The following SRCIN1 variants were observed in gnomAD, a reference collection of about 807,000 sequenced individuals.
The protein encoded by SRCIN1 is P130Cas-associated protein.
A neutral mutation model predicts 116.2 loss-of-function variants in SRCIN1; 50 were observed. The ratio of observed to expected loss-of-function variants is 0.43; its 90% CI spans 0.34 to 0.54. The LOEUF is 0.54. SRCIN1 is among the 20% of genes least tolerant of loss of function. SRCIN1 has a pLI of 0.02. For missense variants in SRCIN1, 1,446 were observed against 1,672.0 expected (o/e 0.86, Z 2.36); for synonymous variants, 736 against 750.0 (o/e 0.98, Z 0.30).
At chr17:38,564,046 G>A (rs1348530282) in intron 4 of SRCIN1, 72 bp downstream of exon 4, 12 of 1,497,556 alleles carry the variant, frequency 8.0e-6, no homozygotes, top group Non-Finnish European at 1.1e-5. Flanking sequence ...TAGGGGAGGA[G>A]GGGGCTCCAG....
chr17:38,533,448 G>C lies in SRCIN1; in HGVS notation c.3418-17C>G. On this transcript the variant is annotated splice_polypyrimidine_tract_variant and intron_variant, in intron 18 of 18. Transcript: ENST00000617146. ...TTTAGTGGCCTGGAACAAAAACAGG[G>C]GTCAGGGGTCAGAGAGCGGAAGGGA... 1 of 1,611,324 alleles carries C rather than the reference G, an allele frequency of 6.2e-7. No homozygotes were observed. Among genetic ancestry groups the C allele is most frequent in the Non-Finnish European group, 8.5e-7 (1 of 1,178,808 alleles).
chr17:38,565,986 C>T (rs973431949), intron 3 of SRCIN1, among the ~76,000 whole-genome samples: 1 of 152,170 alleles, frequency 6.6e-6, no homozygotes, highest in Non-Finnish European at 1.5e-5. Flanking sequence ...ACCTTCATCC[C>T]AGCTGAAGGG....
intron 3 of SRCIN1, among the ~76,000 whole-genome samples, chr17:38,567,540 C>T (rs760652502): frequency 3.3e-5 from 5 of 152,110 alleles, no homozygotes; most frequent in Non-Finnish European, 7.4e-5. Flanking sequence ...TGTCATGATG[C>T]CTGGGACTTG....
intron 3 of SRCIN1, among the ~76,000 whole-genome samples, chr17:38,566,150 G>A (rs555051382): frequency 6.6e-6 from 1 of 152,178 alleles, no homozygotes. Flanking sequence ...AGAGTAGGGG[G>A]TGGCCATGGT....
intron 18 of SRCIN1, among the ~76,000 whole-genome samples, chr17:38,540,742 T>G (rs889344775): frequency 2.0e-4 from 19 of 95,630 alleles, no homozygotes; most frequent in Admixed American, 5.5e-4. Flanking sequence ...CTGGCAGGGG[T>G]GTGTGTGTGT....
intron 1 of SRCIN1, among the ~76,000 whole-genome samples, chr17:38,603,619 T>C (rs1909188071): frequency 6.6e-6 from 1 of 151,950 alleles, no homozygotes; most frequent in Non-Finnish European, 1.5e-5. Context: ...GGAATTGTTG[T>C]GGGGGGACTG....
At chr17:38,578,226 C>G (rs1415480479) in intron 2 of SRCIN1, among the ~76,000 whole-genome samples, 1 of 152,212 alleles carries the variant, frequency 6.6e-6, no homozygotes, top group Admixed American at 6.5e-5. Flanking sequence ...CTCTCTCTGC[C>G]CCGTCACACG....
chr17:38,578,955 A>G (rs544060784), intron 1 of SRCIN1, among the ~76,000 whole-genome samples, 164 bp from the exon 2 acceptor site: 2 of 152,282 alleles, frequency 1.3e-5, no homozygotes, highest in African/African-American at 4.8e-5. Flanking sequence ...TAGGGACTGA[A>G]GGGGGAAGTG....
At chr17:38,605,584 G>A in intron 1 of SRCIN1, 100 bp downstream of exon 1, 1 of 984,578 alleles carries the variant, frequency 1.0e-6, no homozygotes, top group Non-Finnish European at 1.4e-6. Flanking sequence ...CCCGGCCGCC[G>A]CCCCCGCCCC....
At chr17:38,550,514 A>T (rs1247576592) in intron 15 of SRCIN1, among the ~76,000 whole-genome samples, 8 of 147,368 alleles carry the variant, frequency 5.4e-5, no homozygotes, top group African/African-American at 7.5e-5. Flanking sequence ...AATAAATAAA[A>T]AATAAAAATA....
At chr17:38,606,981 G>A (rs1424388634), upstream of SRCIN1, among the ~76,000 whole-genome samples, 2 of 152,200 alleles carry the variant, frequency 1.3e-5, no homozygotes, top group Non-Finnish European at 2.9e-5. This position sits in a 1 kb window ranked among gnomAD's most constrained non-coding sequence, Gnocchi z 5.2. Flanking sequence ...GTGAGCAAGA[G>A]AGTGGACACA....
At chr17:38,537,046 C>T (rs150219267) in intron 18 of SRCIN1, among the ~76,000 whole-genome samples, 13 of 152,054 alleles carry the variant, frequency 8.5e-5, no homozygotes, top group African/African-American at 2.9e-4. Context: ...GGCGTGGTGG[C>T]GTGCACCTGT....
intron 2 of SRCIN1, among the ~76,000 whole-genome samples, chr17:38,573,690 C>G (rs1377048212): frequency 6.6e-6 from 1 of 152,246 alleles, no homozygotes; most frequent in East Asian, 1.9e-4. Flanking sequence ...GACCTCTGGG[C>G]AGACAAGGCA....
At chr17:38,583,246 G>C (rs1907920385) in intron 1 of SRCIN1, among the ~76,000 whole-genome samples, 1 of 152,024 alleles carries the variant, frequency 6.6e-6, no homozygotes, top group Non-Finnish European at 1.5e-5. Context: ...TTGGTGGTCT[G>C]TTTTGTTTTG....
intron 1 of SRCIN1, among the ~76,000 whole-genome samples, chr17:38,601,652 A>T (rs990692307): frequency 2.9e-5 from 4 of 139,654 alleles, no homozygotes; most frequent in African/African-American, 5.2e-5. Flanking sequence ...ACACACACAC[A>T]CGCTCGCGCG....
In SRCIN1 at chr17:38,552,508, G is replaced by T. The variant is rs1314900253; in HGVS notation, c.2419C>A (p.Arg807Ser). The change falls in exon 13 of 19, where the codon CGC becomes AGC. Residue 807 changes from arginine to serine, a missense_variant. By Grantham distance (110) the Arg-to-Ser change is moderately radical. This residue lies in a region of SRCIN1 where 531 missense variants were observed against 633.9 expected (regional missense o/e 0.84). Transcript: ENST00000617146. This position sits in a 1 kb window ranked among gnomAD's most constrained non-coding sequence, Gnocchi z 5.3. ...CAGCGCTTGAGGAGCCCATCCAGGC[G>T]CTGGGGCTCCTCCTTCAGGAACTTC... is the stretch of plus-strand genomic sequence containing the variant. ...AVKFLKEEPQRLDGLLKRCRG... is the reference protein window; with the variant it reads ...AVKFLKEEPQSLDGLLKRCRG... 6.2e-7 allele frequency: 1 copy of T among 1,604,482 alleles called. No individual in the cohort carries two copies. The highest frequency in any genetic ancestry group is 8.5e-7 in the Non-Finnish European group (1 of 1,175,894).
At chr17:38,582,060 T>C (rs1374044757) in intron 1 of SRCIN1, among the ~76,000 whole-genome samples, 1 of 152,196 alleles carries the variant, frequency 6.6e-6, no homozygotes, top group Non-Finnish European at 1.5e-5. Context: ...AGTTCAGGCC[T>C]AGTCCTGCCT....
At chr17:38,594,181 C>T (rs1908589555) in intron 1 of SRCIN1, among the ~76,000 whole-genome samples, 1 of 152,194 alleles carries the variant, frequency 6.6e-6, no homozygotes. Context: ...GGGTAACTCA[C>T]GCGAGCAAGG....
intron 11 of SRCIN1, among the ~76,000 whole-genome samples, chr17:38,553,939 T>C (rs1905615394): frequency 6.6e-6 from 1 of 152,206 alleles, no homozygotes; most frequent in South Asian, 2.1e-4. Flanking sequence ...CCGCTAGGCA[T>C]GGTGGTTCAA....
Sources: gnomAD v4.1 joint callset for allele counts (sites outside exome capture counted in the v4.1 genomes callset) on GRCh38, gnomAD v4.1.1 for gene constraint, gnomAD v4.1.1 regional missense constraint, Gnocchi (gnomAD v3.1) non-coding constraint, MANE v1.5 for transcripts, NCBI Gene and HGNC (gene_info 2026-07-23, HGNC 2026-07-21) for gene names.